Variants in ROR1 observed in about 807,000 individuals in gnomAD.
ROR1 encodes the protein ROR family WNT receptor 1.
A neutral mutation model predicts 78.8 loss-of-function variants in ROR1; 19 were observed. The ratio of observed to expected loss-of-function variants is 0.24; its 90% CI spans 0.17 to 0.35. The LOEUF is 0.35. Among genes scored for constraint, ROR1 ranks in the 10% least tolerant of loss-of-function variants. ROR1 has a pLI of 1.00. For missense variants in ROR1, 917 were observed against 1,177.8 expected, an observed-to-expected ratio of 0.78 and a Z score of 3.24; for synonymous variants, 386 against 433.6, an observed-to-expected ratio of 0.89 and a Z score of 1.36.
chr1:63,829,622 G>C (rs1644974378), intron 1 of ROR1, among the ~76,000 whole-genome samples: 1 of 152,200 alleles, frequency 6.6e-6, no homozygotes, highest in Non-Finnish European at 1.5e-5. Flanking sequence ...CAGAACCATA[G>C]AGTACTGGTG....
intron 1 of ROR1, among the ~76,000 whole-genome samples, chr1:63,974,784 T>C (rs1261867981): frequency 6.6e-6 from 1 of 152,072 alleles, no homozygotes; most frequent in East Asian, 1.9e-4. Context: ...ACTATATAGG[T>C]GCACACCATC....
Position 64,006,053 on chromosome 1 carries a change from A to G in ROR1, c.92-3252A>G, listed in dbSNP as rs768321125. On this transcript the variant is annotated intron_variant, in intron 1 of 8. Coordinates refer to ENST00000371079, the MANE Select transcript of ROR1 (RefSeq NM_005012.4). The stretch of plus-strand genomic sequence containing the variant: ...TCAGTGTTAGCAGTGCCAAGAATCT[A>G]TTCATTTGTCATTGGTCCCAAATTA... 9.9e-5 allele frequency among the ~76,000 whole-genome samples: 15 copies of G among 152,214 alleles called. 1 individual carries two copies. The highest frequency in any genetic ancestry group is 1.8e-4 in the Non-Finnish European group (12 of 68,040).
chr1:63,906,422 C>T (rs995420065), intron 1 of ROR1, among the ~76,000 whole-genome samples: 5 of 152,164 alleles, frequency 3.3e-5, no homozygotes, highest in Admixed American at 1.3e-4. Flanking sequence ...TGTATGCCTG[C>T]GAATGACCTT....
chr1:64,114,099 G>T (rs72916922), intron 4 of ROR1, among the ~76,000 whole-genome samples: 2,015 of 152,188 alleles, frequency 0.013, 42 homozygotes, highest in African/African-American at 0.046. Context: ...ACCATGACCG[G>T]TGAACTTGGG....
At chr1:64,109,035 G>T (rs1001352443) in intron 4 of ROR1, among the ~76,000 whole-genome samples, 2 of 152,116 alleles carry the variant, frequency 1.3e-5, no homozygotes, top group African/African-American at 4.8e-5. Context: ...GCCAGGAATC[G>T]GAATGCAAAA....
intron 4 of ROR1, chr1:64,108,339 G>A (rs955539707): frequency 6.6e-5 from 9 of 136,686 alleles, no homozygotes; most frequent in Admixed American, 5.6e-4. Flanking sequence ...AGAGGTTGCA[G>A]TGAGCCGAGA....
chr1:64,049,850 G>C lies in ROR1; in HGVS notation c.323G>C (p.Arg108Pro). The change falls in exon 3 of 9, where the codon CGG becomes CCG. Residue 108 changes from arginine (R) to proline (P), a missense_variant. By Grantham distance (103) the Arg-to-Pro change is moderately radical. Transcript: ENST00000371079. ...VVQEPRRLSFRSTIYGSRLRI... is the reference protein window; with the variant it reads ...VVQEPRRLSFPSTIYGSRLRI... The stretch of plus-strand genomic sequence containing the variant: ...CAGGAGCCCCGGAGGCTCTCCTTTC[G>C]GTCCACCATCTATGGCTCTCGGCTG... 1 of 1,614,090 alleles carries C rather than the reference G, an allele frequency of 6.2e-7. No individual in the cohort carries two copies. Among genetic ancestry groups the C allele is most frequent in the Non-Finnish European group, 8.5e-7 (1 of 1,180,034 alleles).
chr1:64,028,053 A>G (rs1646628650), intron 2 of ROR1, among the ~76,000 whole-genome samples: 1 of 152,158 alleles, frequency 6.6e-6, no homozygotes, highest in Admixed American at 6.6e-5. Context: ...CAGAGCCTCT[A>G]TCATGATTAT....
rs763563555 is a variant in ROR1 at position 64,009,348 on chromosome 1, A to G, written c.135A>G (p.Ser45=). 2.5e-6 allele frequency: 4 copies of G among 1,613,784 alleles called. No homozygotes were observed. The highest frequency in any genetic ancestry group is 3.4e-6 in the Non-Finnish European group (4 of 1,179,754). ...GTGCTGAATTAGTGCCTACCTCATC[A>G]TGGAACATCTCAAGTGAACTCAACA... is the stretch of plus-strand genomic sequence containing the variant. ...SVSAELVPTS[S]WNISSELNKD... is the part of the protein sequence containing the mutation. Residue 45 remains serine (S), a synonymous_variant, in exon 2 of 9, where the codon TCA becomes TCG. Transcript: ENST00000371079.
chr1:63,947,908 T>G (rs940269684), intron 1 of ROR1, among the ~76,000 whole-genome samples: 5 of 152,182 alleles, frequency 3.3e-5, no homozygotes, highest in Admixed American at 6.5e-5. Flanking sequence ...CACTTAGTAA[T>G]AATAATATTA....
intron 1 of ROR1, among the ~76,000 whole-genome samples, chr1:63,824,716 A>C (rs1201513559): frequency 6.6e-6 from 1 of 152,324 alleles, no homozygotes; most frequent in African/African-American, 2.4e-5. Context: ...TGTGTTAGCA[A>C]TATTTTAAGC....
intron 1 of ROR1, among the ~76,000 whole-genome samples, chr1:63,894,044 C>G (rs1245226518): frequency 1.3e-5 from 2 of 152,046 alleles, no homozygotes; most frequent in Non-Finnish European, 2.9e-5. Flanking sequence ...CATCACTACT[C>G]TTGTGCTTTT....
At chr1:64,016,920 AT>A (rs138925670) in intron 2 of ROR1, among the ~76,000 whole-genome samples, 4,810 of 148,650 alleles carry the variant, frequency 0.032, 279 homozygotes, top group African/African-American at 0.11. Flanking sequence ...AGGGATTATT[AT>A]TTTTTTTTTC....
rs549474931 is a variant in ROR1 at position 63,949,982 on chromosome 1, C to G, written c.92-59323C>G. Among the ~76,000 whole-genome samples the G allele has an allele frequency of 6.6e-5, 10 of 152,188 alleles. No individual in the cohort carries two copies. The South Asian group carries it at 2.1e-3, about 32-fold the overall frequency. On this transcript the variant is annotated intron_variant, in intron 1 of 8. Coordinates refer to ENST00000371079, the MANE Select transcript of ROR1 (RefSeq NM_005012.4). ...TCGTTTTGTAAGTATCTTGAAGATTCCTTTCTCATCCAAATCTGTTAGAAT... is the reference window on the plus strand; with the variant it reads ...TCGTTTTGTAAGTATCTTGAAGATTGCTTTCTCATCCAAATCTGTTAGAAT...
At chr1:63,986,012 G>C (rs898496271) in intron 1 of ROR1, among the ~76,000 whole-genome samples, 7 of 152,076 alleles carry the variant, frequency 4.6e-5, no homozygotes, top group Admixed American at 2.6e-4. Flanking sequence ...CTTGTTCACT[G>C]CCAGGCACTG....
chr1:63,986,622 G>A (rs1646254134), intron 1 of ROR1, among the ~76,000 whole-genome samples: 1 of 152,210 alleles, frequency 6.6e-6, no homozygotes, highest in South Asian at 2.1e-4. Flanking sequence ...GCTGGGCGTG[G>A]TGGCTCACGC....
chr1:63,968,784 G>T (rs1035849262), intron 1 of ROR1, among the ~76,000 whole-genome samples: 1 of 152,180 alleles, frequency 6.6e-6, no homozygotes, highest in Non-Finnish European at 1.5e-5. Context: ...GAAAGAGAAG[G>T]TCACCCTGTA....
At chr1:64,104,605 C>T (rs1647712938) in intron 4 of ROR1, among the ~76,000 whole-genome samples, 1 of 152,004 alleles carries the variant, frequency 6.6e-6, no homozygotes, top group Non-Finnish European at 1.5e-5. Flanking sequence ...TCTAAGTTCC[C>T]TCCCCTCACC....
chr1:63,815,883 C>T lies in ROR1; in HGVS notation c.91+41375C>T, dbSNP rs148179444. Among the ~76,000 whole-genome samples the T allele has an allele frequency of 4.6e-3, 696 of 152,240 alleles. 3 individuals carry two copies. Among genetic ancestry groups the T allele is most frequent in the African/African-American group, 0.016 (666 of 41,538 alleles). On this transcript the variant is annotated intron_variant, in intron 1 of 8. Coordinates refer to ENST00000371079, the MANE Select transcript of ROR1 (RefSeq NM_005012.4). ...TGCCCACTTGGAAAACTTCCTGGGA[C>T]TTCCTCAGCTGGACCCTCTGGGGAT... is the stretch of plus-strand genomic sequence containing the variant.
Sources: gnomAD v4.1 joint callset for allele counts (sites outside exome capture counted in the v4.1 genomes callset) on GRCh38, gnomAD v4.1.1 for gene constraint, MANE v1.5 for transcripts, NCBI Gene and HGNC (gene_info 2026-07-23, HGNC 2026-07-21) for gene names.